TEX11: variants seen among roughly 807,000 people sequenced by gnomAD.
TEX11 encodes testis-expressed protein 11.
Under a neutral mutation model 84.4 loss-of-function variants are expected in TEX11, and 7 were observed. The observed-to-expected ratio is 0.08, with a 90% CI of 0.05 to 0.16. The LOEUF (loss-of-function observed/expected upper bound fraction) is 0.16. TEX11 is among the 10% of genes least tolerant of loss of function. The pLI is 1.00. For synonymous variants in TEX11, 264 were observed against 222.8 expected (o/e 1.18, Z -1.64); for missense variants, 551 against 660.5 (o/e 0.83, Z 1.82).
chrX:70,863,674 C>A (rs73548676), intron 4 of TEX11, among the ~76,000 whole-genome samples: 1,167 of 111,511 alleles, frequency 0.01, 19 homozygotes, highest in African/African-American at 0.036. Context: ...CTCTTCCCCT[C>A]AAAATGATCG....
At chrX:70,889,398 C>A (rs2091726086) in intron 2 of TEX11, among the ~76,000 whole-genome samples, 1 of 108,152 alleles carries the variant, frequency 9.2e-6, no homozygotes. Context: ...GCCTGGGAGA[C>A]AAGAGTGAGA....
rs111503346 is a variant in TEX11, at chrX:70,584,151, C to T, written c.2140+7600G>A. On this transcript the variant is annotated intron_variant, in intron 25 of 29. Transcript: ENST00000374333. ...AAAAAAAATTAGCCGGGCGCGGTGGCGGGCGCCTGTAGTCCCAGCTACTCG... is the reference window on the plus strand; with the variant it reads ...AAAAAAAATTAGCCGGGCGCGGTGGTGGGCGCCTGTAGTCCCAGCTACTCG... 6.9e-3 allele frequency among the ~76,000 whole-genome samples: 745 copies of T among 107,921 alleles called. 3 individuals carry two copies. Among genetic ancestry groups the T allele is most frequent in the Non-Finnish European group, 0.012 (615 of 52,029 alleles). The allele number at this position is 107,921 out of a possible 115,157, so 93.7% of individuals were successfully genotyped here. A position where few individuals can be genotyped will look rare whatever the true frequency, so the allele number is the denominator to read the frequency against.
chrX:70,667,202 T>C (rs2089983346), intron 16 of TEX11, among the ~76,000 whole-genome samples: 1 of 112,460 alleles, frequency 8.9e-6, no homozygotes, highest in South Asian at 3.7e-4. Context: ...GATTACATAC[T>C]GTCTATGGCT....
At chrX:70,602,682 G>C (rs1331842077) in intron 24 of TEX11, among the ~76,000 whole-genome samples, 2 of 107,988 alleles carry the variant, frequency 1.9e-5, no homozygotes, top group African/African-American at 6.8e-5. Flanking sequence ...ATTCAACATA[G>C]TGTTGGAAGT....
chrX:70,615,041 C>A (rs2089302808), intron 20 of TEX11, among the ~76,000 whole-genome samples: 1 of 110,941 alleles, frequency 9.0e-6, no homozygotes, highest in Non-Finnish European at 1.9e-5. Flanking sequence ...CACCCAAGTA[C>A]TTTTAAATAT....
intron 16 of TEX11, among the ~76,000 whole-genome samples, chrX:70,654,934 G>C (rs2089849339): frequency 1.8e-5 from 2 of 109,366 alleles, no homozygotes; most frequent in African/African-American, 6.6e-5. Flanking sequence ...AGGGATTAGA[G>C]AAGATCTATC....
chrX:70,582,759 TTTA>T (rs780818130), intron 25 of TEX11, among the ~76,000 whole-genome samples: 11,282 of 87,606 alleles, frequency 0.13, 594 homozygotes, highest in Middle Eastern at 0.22. Context: ...TATTTATTTA[TTTA>T]TGTGATGGAA....
At chrX:70,702,115 C>T (rs1228637621) in intron 13 of TEX11, among the ~76,000 whole-genome samples, 1 of 111,636 alleles carries the variant, frequency 9.0e-6, no homozygotes, top group Non-Finnish European at 1.9e-5. Context: ...GAATTGACTC[C>T]AATTTTGCAA....
intron 7 of TEX11, among the ~76,000 whole-genome samples, chrX:70,847,339 A>G (rs1282518140): frequency 9.0e-6 from 1 of 110,849 alleles, no homozygotes; most frequent in Non-Finnish European, 1.9e-5. Context: ...TACTACTGAA[A>G]CTGCTTTCTA....
chrX:70,894,340 A>G (rs1006502475), intron 2 of TEX11, among the ~76,000 whole-genome samples: 3 of 110,769 alleles, frequency 2.7e-5, no homozygotes, highest in African/African-American at 9.8e-5. Context: ...AAATATTGGT[A>G]AACCAGGCCA....
the TEX11 span, among the ~76,000 whole-genome samples, chrX:70,519,886 C>T: frequency 1.8e-5 from 2 of 111,632 alleles, no homozygotes; most frequent in East Asian, 2.8e-4. Flanking sequence ...CACTGATACC[C>T]TTTCTTCCAC....
chrX:70,577,210 A>G (rs2088686101), intron 25 of TEX11, among the ~76,000 whole-genome samples: 1 of 111,845 alleles, frequency 8.9e-6, no homozygotes, highest in Non-Finnish European at 1.9e-5. Flanking sequence ...GCAAAACAAA[A>G]CAAACAACTC....
chrX:70,874,395 CTTTTTTTTTTTTTT>C (rs34210812), intron 3 of TEX11, among the ~76,000 whole-genome samples: 2 of 48,066 alleles, frequency 4.2e-5, no homozygotes, highest in African/African-American at 1.7e-4. Flanking sequence ...TGATGACTTC[CTTTTTTTTTTTTTT>C]TTTTTTTTTG....
intron 13 of TEX11, among the ~76,000 whole-genome samples, chrX:70,704,224 C>T (rs1248533588): frequency 9.1e-6 from 1 of 110,054 alleles, no homozygotes; most frequent in African/African-American, 3.3e-5. Flanking sequence ...ACGGATGCTG[C>T]CACACTTCCT....
intron 11 of TEX11, among the ~76,000 whole-genome samples, chrX:70,737,421 G>C (rs1813840827): frequency 9.0e-6 from 1 of 110,784 alleles, no homozygotes; most frequent in African/African-American, 3.3e-5. Flanking sequence ...AAAAAAATTT[G>C]AAGAAATACT....
intron 8 of TEX11, among the ~76,000 whole-genome samples, chrX:70,820,257 AATCCACAC>A (rs942499121): frequency 1.3e-4 from 14 of 111,819 alleles, no homozygotes; most frequent in Non-Finnish European, 2.6e-4. Context: ...GCCAGAAATA[AATCCACAC>A]ATTCACAGGC....
intron 9 of TEX11, among the ~76,000 whole-genome samples, chrX:70,759,369 A>G (rs2090892507): frequency 8.9e-6 from 1 of 111,846 alleles, no homozygotes; most frequent in Non-Finnish European, 1.9e-5. Context: ...AAAATCCTCA[A>G]TAAAATACTG....
intron 9 of TEX11, among the ~76,000 whole-genome samples, chrX:70,800,575 A>C (rs979773577): frequency 8.1e-5 from 9 of 111,446 alleles, no homozygotes; most frequent in Non-Finnish European, 1.5e-4. Flanking sequence ...CAAAAGTCTA[A>C]TGAAAATATG....
chrX:70,871,465 T>C (rs1391651994), intron 4 of TEX11, among the ~76,000 whole-genome samples: 1 of 112,271 alleles, frequency 8.9e-6, no homozygotes, highest in East Asian at 2.8e-4. Context: ...TGTTCCATAA[T>C]TCCTCCAAAT....
Sources: allele counts gnomAD v4.1 joint callset (sites outside exome capture counted in the v4.1 genomes callset), GRCh38; gene constraint gnomAD v4.1.1; transcripts MANE v1.5; gene names NCBI Gene and HGNC (gene_info 2026-07-23, HGNC 2026-07-21).